ASIC2: variants seen among roughly 807,000 people sequenced by gnomAD.
ASIC2 encodes the protein acid sensing ion channel subunit 2.
In ASIC2, 25 loss-of-function variants were observed where a neutral mutation model predicts 57.3. The ratio of observed to expected loss-of-function variants is 0.44; its 90% CI spans 0.32 to 0.61. The LOEUF is 0.61. ASIC2 is among the 20% of genes least tolerant of loss of function. The pLI, the probability that ASIC2 is intolerant of heterozygous loss-of-function variation, is 0.06. For synonymous variants in ASIC2, 319 were observed against 307.5 expected (o/e 1.04, Z -0.39); for missense variants, 641 against 738.1 (o/e 0.87, Z 1.52).
chr17:33,400,884 G>A (rs1029367473), intron 1 of ASIC2, among the ~76,000 whole-genome samples: 1 of 152,084 alleles, frequency 6.6e-6, no homozygotes, highest in African/African-American at 2.4e-5. Context: ...CCTATAGGTT[G>A]AGTTGTGATG....
intron 1 of ASIC2, among the ~76,000 whole-genome samples, chr17:33,914,690 T>C (rs1269042165): frequency 6.6e-6 from 1 of 152,194 alleles, no homozygotes; most frequent in African/African-American, 2.4e-5. Flanking sequence ...AGACTGTATA[T>C]AGCAGAGTTG....
intron 1 of ASIC2, among the ~76,000 whole-genome samples, chr17:33,248,365 C>T (rs1908765415): frequency 6.6e-6 from 1 of 152,128 alleles, no homozygotes; most frequent in African/African-American, 2.4e-5. Flanking sequence ...ACTGAGATGC[C>T]TGCAGCTTTT....
intron 1 of ASIC2, among the ~76,000 whole-genome samples, chr17:33,987,372 T>C (rs761999534): frequency 5.3e-5 from 8 of 152,134 alleles, no homozygotes; most frequent in Non-Finnish European, 7.3e-5. Context: ...TGAGAACCCT[T>C]TTATGGATGG....
intron 1 of ASIC2, among the ~76,000 whole-genome samples, chr17:33,129,789 C>T (rs1271967664): frequency 6.6e-6 from 1 of 152,154 alleles, no homozygotes; most frequent in Non-Finnish European, 1.5e-5. Context: ...GGACATGGGC[C>T]ATACAGGGGA....
At chr17:33,043,176 C>T (rs772249056) in intron 3 of ASIC2, among the ~76,000 whole-genome samples, 22 of 152,218 alleles carry the variant, frequency 1.4e-4, no homozygotes, top group Non-Finnish European at 2.2e-4. Flanking sequence ...CTGCCTTCCT[C>T]GGCCTCCTAA....
At chr17:33,900,325 C>T (rs1453035716) in intron 1 of ASIC2, among the ~76,000 whole-genome samples, 10 of 152,090 alleles carry the variant, frequency 6.6e-5, no homozygotes, top group Admixed American at 5.2e-4. Flanking sequence ...AGTGGTTTTG[C>T]CTTCTTGTTC....
intron 1 of ASIC2, among the ~76,000 whole-genome samples, chr17:33,432,529 C>T (rs1179301524): frequency 6.6e-6 from 1 of 152,168 alleles, no homozygotes; most frequent in South Asian, 2.1e-4. Flanking sequence ...CATGATGATT[C>T]ACCTCCACTT....
intron 1 of ASIC2, among the ~76,000 whole-genome samples, chr17:33,491,677 T>C (rs1913764544): frequency 6.6e-6 from 1 of 152,190 alleles, no homozygotes; most frequent in African/African-American, 2.4e-5. Flanking sequence ...TAGAAGCTGT[T>C]GGCTGAACGA....
intron 1 of ASIC2, among the ~76,000 whole-genome samples, chr17:33,435,317 A>G (rs1271516330): frequency 3.3e-5 from 5 of 152,186 alleles, no homozygotes; most frequent in African/African-American, 1.2e-4. Flanking sequence ...AGAAATGCAC[A>G]ATAAGTCTGG....
intron 3 of ASIC2, among the ~76,000 whole-genome samples, chr17:33,040,507 G>C (rs1370596476): frequency 6.6e-6 from 1 of 152,232 alleles, no homozygotes; most frequent in Non-Finnish European, 1.5e-5. Flanking sequence ...CAAAGTCTTT[G>C]AGTCTACATA....
chr17:33,575,539 G>A (rs1916591209), intron 1 of ASIC2, among the ~76,000 whole-genome samples: 1 of 152,208 alleles, frequency 6.6e-6, no homozygotes, highest in Non-Finnish European at 1.5e-5. Context: ...TGGCTTATAT[G>A]GTGGTGGTGC....
intron 2 of ASIC2, among the ~76,000 whole-genome samples, chr17:33,110,163 G>A (rs546977724): frequency 1.3e-5 from 2 of 152,210 alleles, no homozygotes; most frequent in African/African-American, 2.4e-5. Flanking sequence ...TAGGCTTTGA[G>A]TGTGGGGTCT....
intron 1 of ASIC2, among the ~76,000 whole-genome samples, chr17:33,625,237 A>C (rs1438459619): frequency 6.6e-6 from 1 of 151,818 alleles, no homozygotes; most frequent in African/African-American, 2.4e-5. Flanking sequence ...CTATCTATCT[A>C]TCATGTATCT....
chr17:33,740,539 C>T (rs564406412), intron 1 of ASIC2, among the ~76,000 whole-genome samples: 6 of 152,276 alleles, frequency 3.9e-5, no homozygotes, highest in South Asian at 4.2e-4. Context: ...TACCTCCCAC[C>T]GGATCCCTAC....
intron 1 of ASIC2, among the ~76,000 whole-genome samples, chr17:33,174,649 A>G (rs1567773150): frequency 6.6e-6 from 1 of 152,176 alleles, no homozygotes; most frequent in Non-Finnish European, 1.5e-5. Flanking sequence ...ACTGCCCTGC[A>G]GTGTGACTTC....
At chr17:33,616,767 T>A (rs9908366) in intron 1 of ASIC2, among the ~76,000 whole-genome samples, 71,636 of 152,110 alleles carry the variant, frequency 0.47, 17,165 homozygotes, top group Middle Eastern at 0.55. Context: ...TGTTTGAGAT[T>A]TCTGAGATAG....
At chr17:33,497,667 C>T (rs532499775) in intron 1 of ASIC2, among the ~76,000 whole-genome samples, 10 of 152,136 alleles carry the variant, frequency 6.6e-5, no homozygotes, top group Non-Finnish European at 1.5e-4. Flanking sequence ...CACGAAGGTG[C>T]CATTGTGCTG....
intron 1 of ASIC2, among the ~76,000 whole-genome samples, chr17:33,573,253 A>T (rs1046349011): frequency 6.6e-6 from 1 of 152,224 alleles, no homozygotes; most frequent in Admixed American, 6.5e-5. Flanking sequence ...GGGCCACTAG[A>T]CCATTTAGAA....
At chr17:33,638,846 A>G (rs1223328771) in intron 1 of ASIC2, among the ~76,000 whole-genome samples, 4 of 152,110 alleles carry the variant, frequency 2.6e-5, no homozygotes, top group African/African-American at 9.6e-5. Context: ...CCCTCAACCA[A>G]GGATGGATGG....
Sources: allele counts gnomAD v4.1 joint callset (sites outside exome capture counted in the v4.1 genomes callset), GRCh38; gene constraint gnomAD v4.1.1; transcripts MANE v1.5; gene names NCBI Gene and HGNC (gene_info 2026-07-23, HGNC 2026-07-21).